USP6NL: variants seen among roughly 807,000 people sequenced by gnomAD.
USP6NL encodes the protein USP6 N-terminal-like protein.
Under a neutral mutation model 61.9 loss-of-function variants are expected in USP6NL, and 26 were observed. That is an observed-to-expected ratio of 0.42 (90% CI 0.31 to 0.58). USP6NL has a LOEUF of 0.58. Ranked by LOEUF, USP6NL falls within the 20% of genes least tolerant of loss-of-function variation. The pLI is 0.16. For missense variants in USP6NL, 1,114 were observed against 1,034.3 expected (o/e 1.08, Z -1.06); for synonymous variants, 432 against 390.1 (o/e 1.11, Z -1.27).
intron 13 of USP6NL, among the ~76,000 whole-genome samples, chr10:11,483,648 A>AGGGGG (rs1215682832): frequency 6.6e-3 from 3 of 452 alleles, no homozygotes; most frequent in African/African-American, 0.018. Flanking sequence ...GGGGAGGGGG[A>AGGGGG]GAGGGGGGAG....
In USP6NL at chr10:11,595,191, G is replaced by C. The variant is rs143655807; in HGVS notation, c.4+2440C>G. Among the ~76,000 whole-genome samples, 488 of 152,204 alleles carry C rather than the reference G, an allele frequency of 3.2e-3. 2 individuals are homozygous for C. Among genetic ancestry groups the C allele is most frequent in the African/African-American group, 0.011 (447 of 41,520 alleles). Reference sequence around the variant, plus strand: ...AAGAGAAGCACAAGTCACTAAAATGGCACAGCTATGCCCCAAACATCTCTG... The same window carrying C: ...AAGAGAAGCACAAGTCACTAAAATGCCACAGCTATGCCCCAAACATCTCTG... On this transcript the variant is annotated intron_variant, in intron 2 of 14. Coordinates refer to ENST00000609104, the MANE Select transcript of USP6NL (RefSeq NM_014688.5). This position sits in a 1 kb window ranked among gnomAD's most constrained non-coding sequence, Gnocchi z 5.3.
rs1256954344 is a variant in USP6NL, at chr10:11,478,935, A to G, written c.1078+2835T>C. ...TTAAAAAGTGTAACTGGAAAAGCAG[A>G]GAGCAATGGAACAGAATAGAGTGCC... On this transcript the variant is annotated intron_variant, in intron 14 of 14. Coordinates refer to ENST00000609104, the MANE Select transcript of USP6NL (RefSeq NM_014688.5). The surrounding 1 kb of genome is among the most constrained non-coding windows in gnomAD (Gnocchi z 6.8). Among the ~76,000 whole-genome samples the G allele has an allele frequency of 9.6e-5, 13 of 135,390 alleles. No homozygotes were observed. The highest frequency in any genetic ancestry group is 9.4e-4 in the Admixed American group (13 of 13,886). The allele number at this position is 135,390 out of a possible 152,430, so 88.8% of individuals were successfully genotyped here. A position where few individuals can be genotyped will look rare whatever the true frequency, so the allele number is the denominator to read the frequency against.
chr10:11,552,476 T>C (rs1461430290), intron 2 of USP6NL, among the ~76,000 whole-genome samples: 2 of 152,218 alleles, frequency 1.3e-5, no homozygotes, highest in African/African-American at 2.4e-5. Context: ...TGCATAACAA[T>C]TGATAAGTGG....
chr10:11,509,349 T>G (rs900799723), intron 6 of USP6NL, among the ~76,000 whole-genome samples: 1 of 152,208 alleles, frequency 6.6e-6, no homozygotes, highest in Non-Finnish European at 1.5e-5. Flanking sequence ...CTGAATTAAA[T>G]CACTCCTGAA....
chr10:11,530,435 C>T (rs1566161746), intron 2 of USP6NL, among the ~76,000 whole-genome samples: 3 of 152,178 alleles, frequency 2.0e-5, no homozygotes, highest in African/African-American at 4.8e-5. Context: ...AGATCACTGT[C>T]GGTCTATAGA....
chr10:11,561,683 T>G lies in USP6NL; in HGVS notation c.5-34116A>C, dbSNP rs895097897. ...TAAACAATGCTACAGTGAGGATCTT[T>G]GTGCATGTTATCTTTTGCGCAGATG... On this transcript the variant is annotated intron_variant, in intron 2 of 14. Transcript: ENST00000609104. The surrounding 1 kb of genome is among the most constrained non-coding windows in gnomAD (Gnocchi z 4.1). Among the ~76,000 whole-genome samples the G allele has an allele frequency of 1.3e-5, 2 of 152,382 alleles. No homozygotes were observed. The highest frequency in any genetic ancestry group is 1.9e-4 in the East Asian group (1 of 5,194).
Position 11,482,035 on chromosome 10 carries a change from C to G in USP6NL, c.926-113G>C. On this transcript the variant is annotated intron_variant, in intron 13 of 14. Transcript: ENST00000609104. This position sits in a 1 kb window ranked among gnomAD's most constrained non-coding sequence, Gnocchi z 4.0. The stretch of plus-strand genomic sequence containing the variant: ...AGGGCATTAAAAAGGGCGCAAGCAG[C>G]ATACAACTTACATATGGCATTGAGG... The G allele has an allele frequency of 9.4e-7, 1 of 1,062,994 alleles. No individual in the cohort carries two copies. Among genetic ancestry groups the G allele is most frequent in the Non-Finnish European group, 1.3e-6 (1 of 772,306 alleles). The allele number at this position is 1,062,994 out of a possible 1,614,324, so 65.8% of individuals were successfully genotyped here. A position where few individuals can be genotyped will look rare whatever the true frequency, so the allele number is the denominator to read the frequency against.
Position 11,589,740 on chromosome 10 carries a change from T to C in USP6NL, c.4+7891A>G, listed in dbSNP as rs544918893. 4.6e-5 allele frequency among the ~76,000 whole-genome samples: 7 copies of C among 152,352 alleles called. No individual in the cohort carries two copies. Among genetic ancestry groups the C allele is most frequent in the East Asian group, 1.9e-4 (1 of 5,194 alleles). On this transcript the variant is annotated intron_variant, in intron 2 of 14. Transcript: ENST00000609104. The surrounding 1 kb of genome is among the most constrained non-coding windows in gnomAD (Gnocchi z 4.7). Reference sequence around the variant, plus strand: ...AGGCAACTGTATTTTTAAAAAGACATTGTGACGCCAAATGCCCCACAATAT... The same window carrying C: ...AGGCAACTGTATTTTTAAAAAGACACTGTGACGCCAAATGCCCCACAATAT...
intron 3 of USP6NL, among the ~76,000 whole-genome samples, chr10:11,527,101 G>C (rs1340529620): frequency 1.3e-5 from 2 of 152,050 alleles, no homozygotes; most frequent in Non-Finnish European, 2.9e-5. Flanking sequence ...GTCTCGGCAG[G>C]TGTACAGAGT....
At chr10:11,582,841 C>T (rs1837828624) in intron 2 of USP6NL, among the ~76,000 whole-genome samples, 2 of 151,252 alleles carry the variant, frequency 1.3e-5, no homozygotes, top group Non-Finnish European at 2.9e-5. Context: ...AATTTATCTT[C>T]ACAACAATGA....
chr10:11,611,059 G>A lies in USP6NL; in HGVS notation c.-84+384C>T, dbSNP rs1029991451. On this transcript the variant is annotated intron_variant, in intron 1 of 14. Transcript: ENST00000609104. The surrounding 1 kb of genome is among the most constrained non-coding windows in gnomAD (Gnocchi z 5.3). The stretch of plus-strand genomic sequence containing the variant: ...GCAGTCATTTAAAGGCACGAAGTTT[G>A]CCCGGGTCCTGCCCACTGGGGCTCG... Among the ~76,000 whole-genome samples the A allele has an allele frequency of 6.6e-6, 1 of 152,156 alleles. No individual in the cohort carries two copies. The highest frequency in any genetic ancestry group is 2.4e-5 in the African/African-American group (1 of 41,442).
chr10:11,471,708 C>T (rs1832757845), intron 14 of USP6NL, among the ~76,000 whole-genome samples: 1 of 151,696 alleles, frequency 6.6e-6, no homozygotes, highest in African/African-American at 2.4e-5. Flanking sequence ...CCATCATTCT[C>T]AGCAAACTAT....
At chr10:11,473,630 G>GTAAT (rs968500318) in intron 14 of USP6NL, among the ~76,000 whole-genome samples, 1 of 152,166 alleles carries the variant, frequency 6.6e-6, no homozygotes, top group Non-Finnish European at 1.5e-5. Context: ...CCAGGTGGGT[G>GTAAT]TAATGCACAG....
chr10:11,473,815 C>G (rs1158534276), intron 14 of USP6NL, among the ~76,000 whole-genome samples: 1 of 152,120 alleles, frequency 6.6e-6, no homozygotes. Context: ...AATTATTGCC[C>G]TACCAAATTA....
At position 11,463,312 on chromosome 10, in the gene USP6NL, G is replaced by A. The variant is rs549609110; in HGVS notation, c.1616C>T (p.Ala539Val). ...AGTGGAGCCCCGCTTCCCGTCCTCA[G>A]CATCCAGGGCCTTCATCTTTGGCCG... ...NVRPKMKALD[A>V]EDGKRGSTAS... Residue 539 changes from alanine to valine, a missense_variant, in exon 15 of 15, where the codon GCT (alanine) becomes GTT (valine). By Grantham distance (64) the Ala-to-Val change is moderately conservative. Coordinates refer to ENST00000609104, the MANE Select transcript of USP6NL (RefSeq NM_014688.5). This position sits in a 1 kb window ranked among gnomAD's most constrained non-coding sequence, Gnocchi z 6.3. 1.9e-6 allele frequency: 3 copies of A among 1,613,904 alleles called. No homozygotes were observed. The highest frequency in any genetic ancestry group is 2.2e-5 in the South Asian group (2 of 91,074).
Position 11,547,717 on chromosome 10 carries a change from T to C in USP6NL, c.5-20150A>G, listed in dbSNP as rs184283064. ...CATCACGCCCAGCTAATTTTTTGTA[T>C]TTTTAGTAGAGACGGGGTGTCACCG... is the stretch of plus-strand genomic sequence containing the variant. On this transcript the variant is annotated intron_variant, in intron 2 of 14. Coordinates refer to ENST00000609104, the MANE Select transcript of USP6NL (RefSeq NM_014688.5). Among the ~76,000 whole-genome samples, 356 of 152,200 alleles carry C rather than the reference T, an allele frequency of 2.3e-3. 1 individual carries two copies. Among genetic ancestry groups the C allele is most frequent in the African/African-American group, 8.3e-3 (344 of 41,530 alleles).
intron 2 of USP6NL, among the ~76,000 whole-genome samples, chr10:11,573,174 T>C (rs1185019304): frequency 6.6e-6 from 1 of 151,210 alleles, no homozygotes; most frequent in Non-Finnish European, 1.5e-5. Flanking sequence ...TTCACACAAA[T>C]AAAAATCATC....
Position 11,528,132 on chromosome 10 carries a change from C to T in USP6NL, c.5-565G>A, listed in dbSNP as rs1431550551. On this transcript the variant is annotated intron_variant, in intron 2 of 14. Transcript: ENST00000609104. This position sits in a 1 kb window ranked among gnomAD's most constrained non-coding sequence, Gnocchi z 4.6. ...ATGTGTGTGGACACACACACAGACACACACACACACACACACACACACACA... is the reference window on the plus strand; with the variant it reads ...ATGTGTGTGGACACACACACAGACATACACACACACACACACACACACACA... 6.8e-6 allele frequency among the ~76,000 whole-genome samples: 1 copy of T among 147,878 alleles called. No individual in the cohort carries two copies. Among genetic ancestry groups the T allele is most frequent in the Non-Finnish European group, 1.5e-5 (1 of 67,460 alleles).
Position 11,470,944 on chromosome 10 carries a change from G to A in USP6NL, c.1079-7095C>T, listed in dbSNP as rs1298266293. On this transcript the variant is annotated intron_variant, in intron 14 of 14. Transcript: ENST00000609104. This position sits in a 1 kb window ranked among gnomAD's most constrained non-coding sequence, Gnocchi z 5.4. ...CTCACGCCTGTAATCCCAGCACTTT[G>A]GGAGGCCGAGGTGGGCGGATCACGA... Among the ~76,000 whole-genome samples, 1 of 152,172 alleles carries A rather than the reference G, an allele frequency of 6.6e-6. No individual in the cohort carries two copies. Among genetic ancestry groups the A allele is most frequent in the African/African-American group, 2.4e-5 (1 of 41,436 alleles).
Sources: allele counts gnomAD v4.1 joint callset (sites outside exome capture counted in the v4.1 genomes callset), GRCh38; gene constraint gnomAD v4.1.1; non-coding constraint Gnocchi (gnomAD v3.1); transcripts MANE v1.5; gene names NCBI Gene and HGNC (gene_info 2026-07-23, HGNC 2026-07-21).